Variants in DCC observed in about 807,000 individuals in gnomAD.
The protein encoded by DCC is netrin receptor DCC.
DCC carries 58 observed loss-of-function variants against 172.5 expected under a neutral mutation model. The ratio of observed to expected loss-of-function variants is 0.34; its 90% CI spans 0.27 to 0.42. DCC has a LOEUF of 0.42. Among genes scored for constraint, DCC ranks in the 10% least tolerant of loss-of-function variants. DCC has a pLI of 1.00. For missense variants in DCC, 1,740 were observed against 1,791.0 expected, an observed-to-expected ratio of 0.97 and a Z score of 0.51; for synonymous variants, 709 against 644.5, an observed-to-expected ratio of 1.10 and a Z score of -1.52.
intron 1 of DCC, among the ~76,000 whole-genome samples, chr18:52,483,755 C>A (rs1043745218): frequency 3.3e-5 from 5 of 152,032 alleles, no homozygotes; most frequent in Non-Finnish European, 5.9e-5. Context: ...GAAAACCATG[C>A]TTTTCAGTTC....
chr18:53,492,948 TA>T (rs1242746301), intron 26 of DCC, among the ~76,000 whole-genome samples: 2 of 152,160 alleles, frequency 1.3e-5, no homozygotes, highest in East Asian at 3.9e-4. Context: ...TCTTCCTATC[TA>T]TGAGCATGGA....
intron 5 of DCC, among the ~76,000 whole-genome samples, chr18:53,021,899 C>T (rs1379880562): frequency 1.3e-5 from 2 of 152,108 alleles, no homozygotes; most frequent in Admixed American, 6.6e-5. Flanking sequence ...GGACTTTATT[C>T]AAAAGTTCTG....
intron 1 of DCC, among the ~76,000 whole-genome samples, chr18:52,377,665 A>C (rs1985405668): frequency 1.3e-5 from 2 of 151,584 alleles, no homozygotes; most frequent in African/African-American, 4.8e-5. Context: ...CAAAAATCAA[A>C]CAAAACAACA....
intron 1 of DCC, among the ~76,000 whole-genome samples, chr18:52,552,937 C>G (rs533667252): frequency 2.2e-4 from 33 of 152,124 alleles, no homozygotes; most frequent in African/African-American, 7.2e-4. Flanking sequence ...TCTATTTGTA[C>G]CTAAGCATTT....
At chr18:52,581,945 G>A (rs537087935) in intron 1 of DCC, among the ~76,000 whole-genome samples, 4 of 152,200 alleles carry the variant, frequency 2.6e-5, no homozygotes, top group South Asian at 4.1e-4. Flanking sequence ...GTTAACATAC[G>A]CTAGAAAACA....
chr18:53,049,467 T>A (rs979234812), intron 5 of DCC, among the ~76,000 whole-genome samples: 13 of 151,996 alleles, frequency 8.6e-5, no homozygotes, highest in Non-Finnish European at 1.9e-4. Context: ...CTTGTCATGT[T>A]GTTTTGTAGT....
chr18:52,918,639 C>G (rs1034047885), intron 3 of DCC, among the ~76,000 whole-genome samples: 4 of 152,092 alleles, frequency 2.6e-5, no homozygotes, highest in African/African-American at 9.7e-5. Flanking sequence ...ACCCATAATT[C>G]CATCACACAA....
At chr18:53,408,458 ACGTCTTCATCAAAGG>A (rs1283220531) in intron 19 of DCC, among the ~76,000 whole-genome samples, 1 of 152,198 alleles carries the variant, frequency 6.6e-6, no homozygotes, top group Non-Finnish European at 1.5e-5. Flanking sequence ...CATTGGGCAG[ACGTCTTCATCAAAGG>A]CGAAAGAAGA....
chr18:52,695,031 T>C (rs2035990067), intron 1 of DCC, among the ~76,000 whole-genome samples: 1 of 152,152 alleles, frequency 6.6e-6, no homozygotes. Flanking sequence ...TCAGATTTTA[T>C]GTGGGAGGAA....
chr18:53,368,584 T>A (rs2058029638), intron 15 of DCC, among the ~76,000 whole-genome samples: 1 of 152,088 alleles, frequency 6.6e-6, no homozygotes, highest in South Asian at 2.1e-4. Context: ...ACATCTGACA[T>A]TTAAATCTTT....
chr18:53,037,401 G>A (rs975642041), intron 5 of DCC, among the ~76,000 whole-genome samples: 2 of 151,896 alleles, frequency 1.3e-5, no homozygotes, highest in African/African-American at 2.4e-5. Context: ...TCTTAATAAG[G>A]CACAATGTCC....
chr18:52,865,423 C>T (rs1482859442), intron 2 of DCC, among the ~76,000 whole-genome samples: 1 of 152,112 alleles, frequency 6.6e-6, no homozygotes, highest in Non-Finnish European at 1.5e-5. Flanking sequence ...ACACTGTCTT[C>T]CACAATGGTT....
chr18:52,889,672 T>C (rs746110729), intron 2 of DCC, among the ~76,000 whole-genome samples: 1 of 152,124 alleles, frequency 6.6e-6, no homozygotes, highest in Non-Finnish European at 1.5e-5. Context: ...ACAAAACATT[T>C]ATTAGTTGTT....
intron 2 of DCC, among the ~76,000 whole-genome samples, chr18:52,790,999 C>T (rs79256081): frequency 0.043 from 6,556 of 152,152 alleles, 222 homozygotes; most frequent in South Asian, 0.16. Context: ...ACATTTTCTG[C>T]AGGGTTAAGA....
At position 53,004,992 on chromosome 18, in the gene DCC, A is replaced by G. The variant is rs189136346; in HGVS notation, c.986-58313A>G. ...CGAATGAATAAATGTTGCCCTCTTG[A>G]GACTAGGTTTGTTATAACAGTGAAT... On this transcript the variant is annotated intron_variant, in intron 5 of 28. Transcript: ENST00000442544. Among the ~76,000 whole-genome samples the G allele has an allele frequency of 7.2e-5, 11 of 152,244 alleles. No individual in the cohort carries two copies. The East Asian group carries it at 2.1e-3, about 29-fold the overall frequency.
intron 10 of DCC, among the ~76,000 whole-genome samples, chr18:53,206,001 A>G (rs1361596069): frequency 4.6e-5 from 7 of 150,772 alleles, no homozygotes; most frequent in Non-Finnish European, 1.0e-4. Flanking sequence ...ATGCACACAC[A>G]TATGTTAAAA....
chr18:53,446,830 C>T (rs377159048), intron 22 of DCC, among the ~76,000 whole-genome samples: 1 of 152,170 alleles, frequency 6.6e-6, no homozygotes, highest in East Asian at 1.9e-4. Flanking sequence ...TATGTTTCTG[C>T]CAATTTTTCC....
At position 53,443,834 on chromosome 18, in the gene DCC, T is replaced by G. The variant is rs1037080057; in HGVS notation, c.3230-6666T>G. ...CAGATGATTTTGAGAGGCTCACGAC[T>G]TCAGTGGAGGAAGTAAGTGTGATCG... On this transcript the variant is annotated intron_variant, in intron 22 of 28. Transcript: ENST00000442544. Among the ~76,000 whole-genome samples the G allele has an allele frequency of 4.6e-5, 7 of 152,224 alleles. No homozygotes were observed. The South Asian group carries it at 6.2e-4, about 14-fold the overall frequency.
At chr18:53,467,180 A>G (rs2045632374) in intron 24 of DCC, among the ~76,000 whole-genome samples, 1 of 152,028 alleles carries the variant, frequency 6.6e-6, no homozygotes, top group Non-Finnish European at 1.5e-5. Context: ...ATATATATAT[A>G]TTCATATACA....
Sources: allele counts gnomAD v4.1 joint callset (sites outside exome capture counted in the v4.1 genomes callset), GRCh38; gene constraint gnomAD v4.1.1; transcripts MANE v1.5; gene names NCBI Gene and HGNC (gene_info 2026-07-23, HGNC 2026-07-21).